HERC1: variants seen among roughly 807,000 people sequenced by gnomAD.
HERC1 encodes HECT and RLD domain containing E3 ubiquitin protein ligase family member 1.
HERC1 carries 160 observed loss-of-function variants against 554.3 expected under a neutral mutation model. That is an observed-to-expected ratio of 0.29 (90% confidence interval 0.25 to 0.33). The LOEUF (loss-of-function observed/expected upper bound fraction) is 0.33. Ranked by LOEUF, HERC1 falls within the 10% of genes least tolerant of loss-of-function variation. HERC1 has a pLI of 1.00. For synonymous variants in HERC1, 2,175 were observed against 2,131.7 expected, an observed-to-expected ratio of 1.02 and a Z score of -0.56; for missense variants, 4,919 against 5,918.5, an observed-to-expected ratio of 0.83 and a Z score of 5.54.
intron 48 of HERC1, 146 bp from the exon 49 acceptor site, chr15:63,656,504 G>T: frequency 1.4e-6 from 1 of 717,808 alleles, no homozygotes; most frequent in East Asian, 2.7e-5. Context: ...CCTAAGAGTT[G>T]CCAAAGGTAT....
intron 39 of HERC1, among the ~76,000 whole-genome samples, chr15:63,671,410 C>A (rs1217647373): frequency 6.6e-6 from 1 of 151,398 alleles, no homozygotes; most frequent in Admixed American, 6.6e-5. Context: ...AAAAGAATAA[C>A]CTATTATTCC....
intron 76 of HERC1, among the ~76,000 whole-genome samples, chr15:63,613,851 C>T (rs535677790): frequency 1.3e-5 from 2 of 152,134 alleles, no homozygotes; most frequent in South Asian, 4.2e-4. Flanking sequence ...AAAACTGGCA[C>T]TAAGGTTGTC....
intron 1 of HERC1, among the ~76,000 whole-genome samples, chr15:63,806,407 A>T (rs979804935): frequency 2.0e-5 from 3 of 152,170 alleles, no homozygotes; most frequent in Non-Finnish European, 4.4e-5. Context: ...TCACCAACAC[A>T]GATTTACTCA....
chr15:63,737,078 C>T (rs998889991), intron 12 of HERC1, among the ~76,000 whole-genome samples: 4 of 150,174 alleles, frequency 2.7e-5, no homozygotes, highest in East Asian at 3.9e-4. Context: ...TAAGACAGAA[C>T]GGGAGGCTAC....
intron 74 of HERC1, among the ~76,000 whole-genome samples, chr15:63,618,645 T>C (rs2067931210): frequency 6.6e-6 from 1 of 152,226 alleles, no homozygotes; most frequent in African/African-American, 2.4e-5. Context: ...GCATGGAATG[T>C]TCTTCCATTT....
intron 77 of HERC1, among the ~76,000 whole-genome samples, chr15:63,610,462 C>T (rs762207301): frequency 3.3e-5 from 5 of 152,230 alleles, no homozygotes; most frequent in Middle Eastern, 3.2e-3. Context: ...ACTCCTAGAA[C>T]GGCAGGAGTA....
At chr15:63,638,378 T>C (rs756157399) in intron 63 of HERC1, 33 bp downstream of exon 63, 3 of 1,597,844 alleles carry the variant, frequency 1.9e-6, no homozygotes, top group African/African-American at 1.3e-5. Context: ...TCAGTTCCCA[T>C]GTTTCTTTTC....
At chr15:63,828,259 G>GC (rs2078009794) in intron 1 of HERC1, among the ~76,000 whole-genome samples, 1 of 151,982 alleles carries the variant, frequency 6.6e-6, no homozygotes, top group Non-Finnish European at 1.5e-5. Flanking sequence ...CAGGGCATGG[G>GC]CAAGAGGTAG....
chr15:63,703,370 T>A (rs1201212788), intron 25 of HERC1, among the ~76,000 whole-genome samples: 1 of 152,262 alleles, frequency 6.6e-6, no homozygotes, highest in African/African-American at 2.4e-5. Flanking sequence ...GAGGAGCCTT[T>A]GCAGGCATGG....
At position 63,648,120 on chromosome 15, in the gene HERC1, T is replaced by C. The variant is rs371833352; in HGVS notation, c.10827A>G (p.Gly3609=). The C allele has an allele frequency of 3.8e-6, 6 of 1,579,024 alleles. No homozygotes were observed. Among genetic ancestry groups the C allele is most frequent in the Non-Finnish European group, 5.2e-6 (6 of 1,160,536 alleles). Residue 3609 remains glycine, a synonymous_variant, in exon 55 of 78, where the codon GGA becomes GGG. Coordinates refer to ENST00000443617, the MANE Select transcript of HERC1 (RefSeq NM_003922.4). ...VGYFDGKLLL[G]TKEPLEKGGI... ...CTCCTTTCTCAAGTGGTTCCTTTGT[T>C]CCCAGTAACAGTTTTCCATCAAAAT...
At chr15:63,788,829 C>T (rs957929530) in intron 1 of HERC1, among the ~76,000 whole-genome samples, 4 of 146,680 alleles carry the variant, frequency 2.7e-5, no homozygotes, top group Admixed American at 1.4e-4. Context: ...GGCAGGAGAT[C>T]GCGCCATTGC....
intron 1 of HERC1, among the ~76,000 whole-genome samples, chr15:63,814,826 A>G (rs2077442668): frequency 6.6e-6 from 1 of 152,246 alleles, no homozygotes; most frequent in Non-Finnish European, 1.5e-5. Flanking sequence ...TGCTGTGGAA[A>G]ATATGAAACC....
intron 74 of HERC1, among the ~76,000 whole-genome samples, chr15:63,618,475 T>G (rs912720797): frequency 4.6e-5 from 7 of 151,288 alleles, no homozygotes; most frequent in Non-Finnish European, 1.0e-4. Flanking sequence ...AGGATTGACT[T>G]GGCAATGCGG....
chr15:63,676,659 G>A (rs1398104671), intron 37 of HERC1, among the ~76,000 whole-genome samples: 1 of 152,190 alleles, frequency 6.6e-6, no homozygotes, highest in Non-Finnish European at 1.5e-5. Context: ...GGAAGACTGA[G>A]GTGGGAGAAT....
chr15:63,636,937 C>T (rs1352383308), intron 64 of HERC1: 4 of 315,492 alleles, frequency 1.3e-5, no homozygotes, highest in Non-Finnish European at 2.5e-5. Flanking sequence ...TGAAAAGAAC[C>T]TGAGCTTCTA....
intron 24 of HERC1, among the ~76,000 whole-genome samples, chr15:63,708,187 T>C (rs1046340615): frequency 1.3e-5 from 2 of 152,024 alleles, no homozygotes; most frequent in African/African-American, 4.8e-5. Context: ...AATAAAACAT[T>C]TTCATTACAT....
intron 1 of HERC1, among the ~76,000 whole-genome samples, chr15:63,833,123 T>C (rs1257026272): frequency 6.6e-6 from 1 of 152,218 alleles, no homozygotes; most frequent in African/African-American, 2.4e-5. Flanking sequence ...GATTTCACCA[T>C]GTTCCCCGGG....
chr15:63,727,537 C>A lies in HERC1; in HGVS notation c.3346+110G>T. On this transcript the variant is annotated intron_variant, in intron 17 of 77. Transcript: ENST00000443617. This position sits in a 1 kb window ranked among gnomAD's most constrained non-coding sequence, Gnocchi z 4.3. ...CTTTTAAGATTTCAGTGATGAAATT[C>A]CTTTGATAGCCTTAGGATAGATAGA... is the stretch of plus-strand genomic sequence containing the variant. The A allele has an allele frequency of 1.5e-6, 1 of 654,256 alleles. No individual in the cohort carries two copies. The highest frequency in any genetic ancestry group is 3.4e-5 in the South Asian group (1 of 29,162). 40.5% of individuals were successfully genotyped at this position (654,256 alleles called of 1,614,324 possible).
chr15:63,729,177 A>G (rs1367984301), intron 16 of HERC1, 59 bp downstream of exon 16: 2 of 1,464,102 alleles, frequency 1.4e-6, no homozygotes, highest in African/African-American at 2.8e-5. Context: ...GACTTTGGAA[A>G]GCCAAGTGTT....
Sources: allele counts gnomAD v4.1 joint callset (sites outside exome capture counted in the v4.1 genomes callset), GRCh38; gene constraint gnomAD v4.1.1; non-coding constraint Gnocchi (gnomAD v3.1); transcripts MANE v1.5; gene names NCBI Gene and HGNC (gene_info 2026-07-23, HGNC 2026-07-21).